The following NEDD4L variants were observed in gnomAD, a reference collection of about 807,000 sequenced individuals.
NEDD4L encodes the protein E3 ubiquitin-protein ligase NEDD4-like.
In NEDD4L, 54 loss-of-function variants were observed where a neutral mutation model predicts 148.9. The observed-to-expected ratio is 0.36, with a 90% CI of 0.29 to 0.45. The LOEUF is 0.45. Ranked by LOEUF, NEDD4L falls within the 20% of genes least tolerant of loss-of-function variation. The pLI, the probability that NEDD4L is intolerant of heterozygous loss-of-function variation, is 1.00. For missense variants in NEDD4L, 856 were observed against 1,233.8 expected, an observed-to-expected ratio of 0.69 and a Z score of 4.59; for synonymous variants, 433 against 440.7, an observed-to-expected ratio of 0.98 and a Z score of 0.22.
chr18:58,261,293 T>G (rs1324461901), intron 5 of NEDD4L, among the ~76,000 whole-genome samples: 2 of 152,204 alleles, frequency 1.3e-5, no homozygotes, highest in Admixed American at 1.3e-4. Context: ...CTTATAACAT[T>G]TTGGCTTGCA....
At chr18:58,240,934 C>T (rs1184638990) in intron 2 of NEDD4L, among the ~76,000 whole-genome samples, 2 of 152,034 alleles carry the variant, frequency 1.3e-5, no homozygotes, top group Non-Finnish European at 2.9e-5. Flanking sequence ...CTCAGCTCCC[C>T]GAGTAGCTGG....
chr18:58,324,675 G>T (rs1601255526), intron 8 of NEDD4L, among the ~76,000 whole-genome samples: 1 of 152,210 alleles, frequency 6.6e-6, no homozygotes, highest in Non-Finnish European at 1.5e-5. Flanking sequence ...CAAACATGAC[G>T]TATGGAAAGA....
chr18:58,082,974 C>A (rs957163489), intron 1 of NEDD4L, among the ~76,000 whole-genome samples: 2 of 152,102 alleles, frequency 1.3e-5, no homozygotes, highest in African/African-American at 4.8e-5. Flanking sequence ...AATGTCCCTT[C>A]CTATCAGTTT....
In NEDD4L at chr18:58,085,004, C is replaced by T. The variant is rs1314684642; in HGVS notation, c.48+40296C>T. ...GCCACTGCGCCCAGCCTGGTCTTGT[C>T]TTTGGGCACAAATATCCGCTAGTGT... On this transcript the variant is annotated intron_variant, in intron 1 of 30. Transcript: ENST00000400345. 3.3e-5 allele frequency among the ~76,000 whole-genome samples: 5 copies of T among 152,220 alleles called. No homozygotes were observed. The South Asian group carries it at 8.3e-4, about 25-fold the overall frequency.
chr18:58,145,964 T>G (rs1295081953), intron 1 of NEDD4L, among the ~76,000 whole-genome samples: 2 of 152,184 alleles, frequency 1.3e-5, no homozygotes, highest in East Asian at 3.8e-4. Context: ...GAAACAGTTC[T>G]GCTTCATGAA....
intron 16 of NEDD4L, among the ~76,000 whole-genome samples, chr18:58,344,739 A>G (rs543149518): frequency 9.9e-5 from 15 of 151,626 alleles, no homozygotes; most frequent in African/African-American, 3.4e-4. Context: ...ATGTCTTTTT[A>G]CTTATTACCA....
intron 1 of NEDD4L, among the ~76,000 whole-genome samples, chr18:58,061,054 C>T (rs1435126736): frequency 6.6e-6 from 1 of 152,110 alleles, no homozygotes; most frequent in East Asian, 1.9e-4. Context: ...GCCACTGTGC[C>T]CGGCCGCCTG....
In NEDD4L at chr18:58,140,562, TA is replaced by T. The variant is rs1423275322; in HGVS notation, c.49-25221del. Among the ~76,000 whole-genome samples, 5 of 152,328 alleles carry T rather than the reference TA, an allele frequency of 3.3e-5. No homozygotes were observed. In the South Asian group the frequency reaches 1.0e-3, roughly 32 times the overall value. ...CATAGTGTGTCCCCTTGTCATTTTATAAAAATGTAGACTGGTGCTGCCTGCT... is the reference window on the plus strand; with the variant it reads ...CATAGTGTGTCCCCTTGTCATTTTATAAAATGTAGACTGGTGCTGCCTGCT... On this transcript the variant is annotated intron_variant, in intron 1 of 30. Coordinates refer to ENST00000400345, the MANE Select transcript of NEDD4L (RefSeq NM_001144967.3).
intron 1 of NEDD4L, among the ~76,000 whole-genome samples, chr18:58,095,886 G>T (rs992474746): frequency 3.3e-5 from 5 of 151,850 alleles, no homozygotes; most frequent in Non-Finnish European, 7.4e-5. Flanking sequence ...ACACAAATTC[G>T]TAAGCATTCT....
chr18:58,164,688 C>T (rs920134041), intron 1 of NEDD4L, among the ~76,000 whole-genome samples: 4 of 152,222 alleles, frequency 2.6e-5, no homozygotes, highest in African/African-American at 4.8e-5. Context: ...CCAGGCTGGT[C>T]TCGAACTCCT....
chr18:58,295,507 A>C (rs2149179016), intron 5 of NEDD4L, among the ~76,000 whole-genome samples: 1 of 152,306 alleles, frequency 6.6e-6, no homozygotes, highest in Admixed American at 6.5e-5. Flanking sequence ...CCGCTTAGTT[A>C]GTCATTCATC....
intron 1 of NEDD4L, among the ~76,000 whole-genome samples, chr18:58,074,509 G>A (rs1010359256): frequency 4.1e-5 from 6 of 146,482 alleles, no homozygotes; most frequent in African/African-American, 1.5e-4. Flanking sequence ...TCCTGACCTT[G>A]TGATCCGCTC....
intron 27 of NEDD4L, chr18:58,388,214 T>C (rs770046704): frequency 2.0e-5 from 3 of 152,264 alleles, no homozygotes; most frequent in Non-Finnish European, 4.4e-5. Context: ...TGAGAAGCCG[T>C]TGGTGGGACT....
intron 1 of NEDD4L, among the ~76,000 whole-genome samples, chr18:58,068,888 G>A (rs2082735723): frequency 6.6e-6 from 1 of 152,174 alleles, no homozygotes; most frequent in Non-Finnish European, 1.5e-5. Context: ...TGTAATCCCA[G>A]CACTTTGGGA....
intron 2 of NEDD4L, among the ~76,000 whole-genome samples, chr18:58,230,625 T>G (rs2045052221): frequency 6.6e-6 from 1 of 152,200 alleles, no homozygotes; most frequent in Non-Finnish European, 1.5e-5. Context: ...CCACTGTGCC[T>G]GGTGACCTCA....
chr18:58,356,285 CTTCT>C (rs1484815491), intron 18 of NEDD4L, among the ~76,000 whole-genome samples: 1,620 of 136,504 alleles, frequency 0.012, 25 homozygotes, highest in African/African-American at 0.047. Flanking sequence ...TAATTTTCTT[CTTCT>C]TTTTTTTTTT....
intron 2 of NEDD4L, among the ~76,000 whole-genome samples, chr18:58,167,007 G>A (rs2036932284): frequency 6.6e-6 from 1 of 152,158 alleles, no homozygotes; most frequent in Admixed American, 6.5e-5. Context: ...GTCTATTAAA[G>A]CAATTGTTAA....
chr18:58,067,559 T>C (rs750318095), intron 1 of NEDD4L, among the ~76,000 whole-genome samples: 2 of 152,200 alleles, frequency 1.3e-5, no homozygotes, highest in Non-Finnish European at 2.9e-5. Flanking sequence ...GGTTACCTGG[T>C]ACATCTGCAG....
intron 2 of NEDD4L, among the ~76,000 whole-genome samples, chr18:58,190,205 C>T (rs545726039): frequency 2.6e-4 from 40 of 152,270 alleles, no homozygotes; most frequent in African/African-American, 9.1e-4. Context: ...AAACACACTT[C>T]ATGCAAAGAA....
Sources: allele counts gnomAD v4.1 joint callset (sites outside exome capture counted in the v4.1 genomes callset), GRCh38; gene constraint gnomAD v4.1.1; transcripts MANE v1.5; gene names NCBI Gene and HGNC (gene_info 2026-07-23, HGNC 2026-07-21).